Variants in CASC3 observed in about 807,000 individuals in gnomAD.
CASC3 encodes the protein protein CASC3.
CASC3 carries 30 observed loss-of-function variants against 80.5 expected under a neutral mutation model. The ratio of observed to expected loss-of-function variants is 0.37; its 90% CI spans 0.28 to 0.51. The LOEUF (loss-of-function observed/expected upper bound fraction) is 0.51, where lower values mean the gene tolerates loss of function less well. Among genes scored for constraint, CASC3 ranks in the 20% least tolerant of loss-of-function variants. CASC3 has a pLI of 0.94. For missense variants in CASC3, 824 were observed against 922.2 expected, an observed-to-expected ratio of 0.89 and a Z score of 1.38; for synonymous variants, 312 against 333.6, an observed-to-expected ratio of 0.94 and a Z score of 0.70.
chr17:40,145,241 G>A (rs957479884), intron 3 of CASC3, among the ~76,000 whole-genome samples: 1 of 149,524 alleles, frequency 6.7e-6, no homozygotes, highest in African/African-American at 2.5e-5. Flanking sequence ...GTGCAATCTC[G>A]GCTCACTGCA....
At chr17:40,150,168 C>G (rs1362682218) in intron 3 of CASC3, among the ~76,000 whole-genome samples, 1 of 151,988 alleles carries the variant, frequency 6.6e-6, no homozygotes, top group African/African-American at 2.4e-5. Flanking sequence ...ATTGCTTGAG[C>G]CCAGGAATTT....
At position 40,162,072 on chromosome 17, in the gene CASC3, G is replaced by A. The variant is rs1479261980; in HGVS notation, c.527G>A (p.Arg176Gln). 3 of 1,614,028 alleles carry A rather than the reference G, an allele frequency of 1.9e-6. No individual in the cohort carries two copies. The highest frequency in any genetic ancestry group is 1.3e-5 in the African/African-American group (1 of 75,004). The change falls in exon 5 of 14, where the codon CGG becomes CAG. Residue 176 changes from arginine to glutamine, a missense_variant. Coordinates refer to ENST00000264645, the MANE Select transcript of CASC3 (RefSeq NM_007359.5). Reference protein sequence around the residue: ...GPKHLDDDEDRKNPAYIPRKG... With the variant: ...GPKHLDDDEDQKNPAYIPRKG... ...AAGCATTTGGATGATGATGAAGATC[G>A]GAAGAATCCAGCATACATACCTCGG... is the stretch of plus-strand genomic sequence containing the variant.
chr17:40,166,539 G>C (rs1012422451), intron 7 of CASC3, among the ~76,000 whole-genome samples: 2 of 152,100 alleles, frequency 1.3e-5, no homozygotes, highest in Non-Finnish European at 2.9e-5. Flanking sequence ...GAAAAAATTT[G>C]AATTTGATTT....
At chr17:40,168,499 G>C in intron 11 of CASC3, 82 bp downstream of exon 11, 2 of 1,156,068 alleles carry the variant, frequency 1.7e-6, no homozygotes, top group Non-Finnish European at 2.4e-6. Flanking sequence ...AATGCTAAAG[G>C]AATTTGAGAG....
In CASC3 at chr17:40,140,769, A is replaced by G. The variant is rs766998291; in HGVS notation, c.221A>G (p.Glu74Gly). The stretch of plus-strand genomic sequence containing the variant: ...AGCGGGGGCGCCAAGAGTGCTGAGG[A>G]GTCGGAGTGTGTGAGTGCGCGCAGG... ...VESGGAKSAEESECESEDGIE... is the reference protein window; with the variant it reads ...VESGGAKSAEGSECESEDGIE... Residue 74 changes from glutamate to glycine, a missense_variant, in exon 1 of 14, where the codon GAG (glutamate) becomes GGG (glycine). Transcript: ENST00000264645. The G allele has an allele frequency of 6.7e-5, 78 of 1,169,528 alleles. No homozygotes were observed. Among genetic ancestry groups the G allele is most frequent in the Middle Eastern group, 3.8e-4 (1 of 2,648 alleles). The allele number at this position is 1,169,528 out of a possible 1,614,324, so 72.4% of individuals were successfully genotyped here. A position where few individuals can be genotyped will look rare whatever the true frequency, so the allele number is the denominator to read the frequency against.
At chr17:40,149,699 A>G (rs1198442940) in intron 3 of CASC3, among the ~76,000 whole-genome samples, 1 of 151,960 alleles carries the variant, frequency 6.6e-6, no homozygotes, top group African/African-American at 2.4e-5. Flanking sequence ...AGGTATGTGC[A>G]AAGGAAGATT....
At chr17:40,165,533 C>CA (rs1989426522) in intron 7 of CASC3, among the ~76,000 whole-genome samples, 1 of 152,042 alleles carries the variant, frequency 6.6e-6, no homozygotes. Flanking sequence ...TCATTTTCCA[C>CA]AAAAAGTAGA....
chr17:40,168,753 C>G, intron 11 of CASC3: 3 of 302,968 alleles, frequency 9.9e-6, no homozygotes, highest in South Asian at 9.0e-5. Flanking sequence ...CCATGCCCGG[C>G]TAGTTTTTGT....
chr17:40,153,102 A>G (rs1989053044), intron 3 of CASC3, among the ~76,000 whole-genome samples: 2 of 152,120 alleles, frequency 1.3e-5, no homozygotes, highest in African/African-American at 4.8e-5. Context: ...TATGGTTACC[A>G]TGCTGTACAT....
At position 40,152,495 on chromosome 17, in the gene CASC3, A is replaced by G. The variant is rs139729674; in HGVS notation, c.298-9258A>G. 5.2e-3 allele frequency among the ~76,000 whole-genome samples: 794 copies of G among 151,554 alleles called. 11 individuals carry two copies. Among genetic ancestry groups the G allele is most frequent in the African/African-American group, 0.018 (755 of 41,286 alleles). On this transcript the variant is annotated intron_variant, in intron 3 of 13. Transcript: ENST00000264645. ...CGCCACCAAGCCCAGCTAGTTTTGT[A>G]TTTTTAGTAGAGGTGGAGTTTCTCC...
In CASC3 at chr17:40,168,214, C is replaced by T; in HGVS notation, c.1762C>T (p.His588Tyr). Residue 588 changes from histidine (H) to tyrosine (Y), a missense_variant, in exon 11 of 14, where the codon CAC becomes TAC. Transcript: ENST00000264645. ...TTCTCCTTATCCAGGTTTACATCCC[C>T]ACCAGACACCAGCTCCTCTGCCCAA... is the stretch of plus-strand genomic sequence containing the variant. ...MNLPHPGLHP[H>Y]QTPAPLPNPG... 5 of 1,614,062 alleles carry T rather than the reference C, an allele frequency of 3.1e-6. No individual in the cohort carries two copies. Among genetic ancestry groups the T allele is most frequent in the Non-Finnish European group, 4.2e-6 (5 of 1,179,952 alleles).
intron 7 of CASC3, 108 bp downstream of exon 7, chr17:40,164,274 T>G (rs1989388133): frequency 3.1e-6 from 3 of 962,118 alleles, no homozygotes; most frequent in Non-Finnish European, 3.0e-6. Context: ...GTCTACTTCT[T>G]TTTTTTTGAG....
intron 7 of CASC3, 82 bp from the exon 8 acceptor site, chr17:40,166,715 T>C (rs1166808453): frequency 2.2e-6 from 2 of 906,582 alleles, no homozygotes; most frequent in Admixed American, 3.4e-5. Context: ...ATGTTGACAC[T>C]TAAACCTGTC....
intron 5 of CASC3, 34 bp downstream of exon 5, chr17:40,162,187 T>C (rs763665692): frequency 5.6e-6 from 9 of 1,598,354 alleles, no homozygotes; most frequent in African/African-American, 1.4e-5. Context: ...CTGTCTAACA[T>C]GTATTTTACA....
At chr17:40,144,070 G>A (rs1050074193) in intron 3 of CASC3, among the ~76,000 whole-genome samples, 4 of 151,782 alleles carry the variant, frequency 2.6e-5, no homozygotes, top group Non-Finnish European at 5.9e-5. Flanking sequence ...TGGCCAACAT[G>A]GCGAAACCCA....
chr17:40,155,599 G>C (rs535315583), intron 3 of CASC3, among the ~76,000 whole-genome samples: 1 of 152,232 alleles, frequency 6.6e-6, no homozygotes, highest in Admixed American at 6.5e-5. Context: ...GAGGAGCCGG[G>C]GTTTATTAAA....
At chr17:40,168,563 C>A in intron 11 of CASC3, 146 bp downstream of exon 11, 1 of 700,926 alleles carries the variant, frequency 1.4e-6, no homozygotes, top group Non-Finnish European at 2.4e-6. Flanking sequence ...TCTTAGTGGT[C>A]AGGAGCTGGA....
Position 40,166,847 on chromosome 17 carries a change from C to G in CASC3, c.1522C>G (p.Arg508Gly). 1 of 1,606,656 alleles carries G rather than the reference C, an allele frequency of 6.2e-7. No homozygotes were observed. The highest frequency in any genetic ancestry group is 8.5e-7 in the Non-Finnish European group (1 of 1,177,278). The change falls in exon 8 of 14, where the codon CGG (arginine) becomes GGG (glycine). Residue 508 changes from arginine to glycine, a missense_variant. This residue lies in a region of CASC3 where 464 missense variants were observed against 506.0 expected (regional missense o/e 0.92). Coordinates refer to ENST00000264645, the MANE Select transcript of CASC3 (RefSeq NM_007359.5). Reference sequence around the variant, plus strand: ...AGCAGGACCTCCACCTCAGTTTAACCGGATGGAAGAAATGGTACAGAAGGG... The same window carrying G: ...AGCAGGACCTCCACCTCAGTTTAACGGGATGGAAGAAATGGTACAGAAGGG... ...MGAGPPPQFN[R>G]MEEMGVQGGR...
chr17:40,140,817 G>A (rs1988692737), intron 1 of CASC3, 38 bp downstream of exon 1: 3 of 1,243,300 alleles, frequency 2.4e-6, no homozygotes, highest in South Asian at 1.6e-5. Flanking sequence ...GGGACCGGGC[G>A]GCGAGCCGGC....
Sources: gnomAD v4.1 joint callset for allele counts (sites outside exome capture counted in the v4.1 genomes callset) on GRCh38, gnomAD v4.1.1 for gene constraint, gnomAD v4.1.1 regional missense constraint, MANE v1.5 for transcripts, NCBI Gene and HGNC (gene_info 2026-07-23, HGNC 2026-07-21) for gene names.